The following SLC6A12 variants were observed in gnomAD, a reference collection of about 807,000 sequenced individuals.
The protein encoded by SLC6A12 is solute carrier family 6 member 12, also known as sodium- and chloride-dependent betaine transporter.
SLC6A12 carries 50 observed loss-of-function variants against 73.3 expected under a neutral mutation model. The observed-to-expected ratio is 0.68, with a 90% CI of 0.54 to 0.86. The LOEUF is 0.86. SLC6A12 is among the 40% of genes least tolerant of loss of function. SLC6A12 has a pLI of 0.00. For synonymous variants in SLC6A12, 304 were observed against 309.2 expected, an observed-to-expected ratio of 0.98 and a Z score of 0.18; for missense variants, 648 against 772.8, an observed-to-expected ratio of 0.84 and a Z score of 1.92.
At chr12:208,141 C>CA (rs1191252014) in intron 3 of SLC6A12, among the ~76,000 whole-genome samples, 1 of 152,214 alleles carries the variant, frequency 6.6e-6, no homozygotes, top group Non-Finnish European at 1.5e-5. Flanking sequence ...AATCCTCCTC[C>CA]ACTAAAGGAG....
intron 12 of SLC6A12, among the ~76,000 whole-genome samples, chr12:195,747 C>T (rs1939829274): frequency 6.6e-6 from 1 of 152,130 alleles, no homozygotes; most frequent in African/African-American, 2.4e-5. Context: ...AGCCTGAAGC[C>T]CAGCATCCAT....
At chr12:188,376 G>A (rs1244626625), downstream of SLC6A12, among the ~76,000 whole-genome samples, 2 of 151,982 alleles carry the variant, frequency 1.3e-5, no homozygotes, top group African/African-American at 2.4e-5. Context: ...CGATTGTGGG[G>A]CCCGCCGAGC....
chr12:204,453 A>T (rs894745464), intron 4 of SLC6A12, 111 bp downstream of exon 4: 21 of 1,069,608 alleles, frequency 2.0e-5, no homozygotes, highest in Non-Finnish European at 3.0e-5. Context: ...GGCGCAGGAT[A>T]TGGGAGTGAG....
At position 190,872 on chromosome 12, in the gene SLC6A12, T is replaced by G; in HGVS notation, c.*196A>C. 1 of 399,146 alleles carries G rather than the reference T, an allele frequency of 2.5e-6. No individual in the cohort carries two copies. The highest frequency in any genetic ancestry group is 4.3e-6 in the Non-Finnish European group (1 of 230,738). The allele number at this position is 399,146 out of a possible 1,614,324, so 24.7% of individuals were successfully genotyped here. ...AACATGGCACGTCCCAGTGGTGGTGTTATCAGCAAAGGGGAAGGAGCTGCT... is the reference window on the plus strand; with the variant it reads ...AACATGGCACGTCCCAGTGGTGGTGGTATCAGCAAAGGGGAAGGAGCTGCT... On this transcript the variant is annotated 3_prime_UTR_variant, in exon 16 of 16. Coordinates refer to ENST00000684302, the MANE Select transcript of SLC6A12 (RefSeq NM_001122848.3).
chr12:205,256 AG>A (rs1940570279), intron 3 of SLC6A12, among the ~76,000 whole-genome samples: 1 of 152,212 alleles, frequency 6.6e-6, no homozygotes, highest in African/African-American at 2.4e-5. Flanking sequence ...GACATCCAGC[AG>A]GTTACACAGG....
In SLC6A12 at chr12:198,962, C is replaced by T. The variant is rs755002798; in HGVS notation, c.712-31G>A. ...GGTGGGGGGACAGGCCAAGGTCACT[C>T]CTGGTGGGGACGCAGTGGCCCTCCA... On this transcript the variant is annotated intron_variant, in intron 7 of 15. Coordinates refer to ENST00000684302, the MANE Select transcript of SLC6A12 (RefSeq NM_001122848.3). The surrounding 1 kb of genome is among the most constrained non-coding windows in gnomAD (Gnocchi z 4.0). 1.2e-6 allele frequency: 2 copies of T among 1,612,756 alleles called. No individual in the cohort carries two copies. Among genetic ancestry groups the T allele is most frequent in the Non-Finnish European group, 1.7e-6 (2 of 1,179,216 alleles).
chr12:195,368 G>C (rs1435858412), intron 12 of SLC6A12, 41 bp from the exon 13 acceptor site: 12 of 1,292,048 alleles, frequency 9.3e-6, no homozygotes, highest in Non-Finnish European at 1.4e-5. Context: ...CCAGTGCAGA[G>C]CTGGGACACA....
At chr12:201,889 C>T (rs1940286912) in intron 5 of SLC6A12, 40 bp from the exon 6 acceptor site, 2 of 1,542,650 alleles carry the variant, frequency 1.3e-6, no homozygotes, top group African/African-American at 1.4e-5. Context: ...GAGAGAGATG[C>T]TCTTATACCC....
downstream of SLC6A12, among the ~76,000 whole-genome samples, chr12:189,793 G>C (rs773612898): frequency 6.6e-6 from 1 of 152,004 alleles, no homozygotes; most frequent in East Asian, 1.9e-4. Context: ...GGTGGGAAAC[G>C]GGTGGAGCCA....
intron 3 of SLC6A12, among the ~76,000 whole-genome samples, chr12:208,334 G>C (rs1461856091): frequency 6.6e-6 from 1 of 152,162 alleles, no homozygotes; most frequent in Non-Finnish European, 1.5e-5. Flanking sequence ...CTATTTCTTA[G>C]GAGTTGTCAG....
intron 5 of SLC6A12, among the ~76,000 whole-genome samples, chr12:202,144 C>T (rs935405852): frequency 2.0e-5 from 3 of 152,172 alleles, no homozygotes; most frequent in African/African-American, 7.2e-5. Context: ...GCACTCTCCC[C>T]GCTTGCCCGT....
In SLC6A12 at chr12:200,723, C is replaced by A. The variant is rs201531420; in HGVS notation, c.639G>T (p.Leu213=). ...IHDLGSLRWE[L]ALCLLLAWVI... ...CCCAGGCGAGCAGGAGGCACAGGGC[C>A]AGCTCCCAGCGCAGGGAGCCCAGGT... Residue 213 remains leucine (L), a synonymous_variant, in exon 7 of 16, where the codon CTG becomes CTT. Coordinates refer to ENST00000684302, the MANE Select transcript of SLC6A12 (RefSeq NM_001122848.3). 1.6e-4 allele frequency: 265 copies of A among 1,613,976 alleles called. No individual in the cohort carries two copies. Among genetic ancestry groups the A allele is most frequent in the Non-Finnish European group, 2.2e-4 (257 of 1,179,958 alleles).
In SLC6A12 at chr12:190,908, C is replaced by G. The variant is rs549703107; in HGVS notation, c.*160G>C. The G allele has an allele frequency of 1.1e-4, 54 of 488,718 alleles. 1 individual carries two copies. In the Admixed American group the frequency reaches 2.3e-3, roughly 21 times the overall value. The allele number at this position is 488,718 out of a possible 1,614,324, so 30.3% of individuals were successfully genotyped here. ...GGGGAAGGAGCTGCTCCAGCTAGCA[C>G]AAGAGAGGAGTCTGGCCTCCAGCTG... On this transcript the variant is annotated 3_prime_UTR_variant, in exon 16 of 16. Coordinates refer to ENST00000684302, the MANE Select transcript of SLC6A12 (RefSeq NM_001122848.3).
At position 193,809 on chromosome 12, in the gene SLC6A12, G is replaced by A. The variant is rs539605497; in HGVS notation, c.1430-432C>T. Among the ~76,000 whole-genome samples, 4 of 152,308 alleles carry A rather than the reference G, an allele frequency of 2.6e-5. No individual in the cohort carries two copies. In the East Asian group the frequency reaches 7.7e-4, roughly 29 times the overall value. ...AGACACATCATAGAAAACTCATAGA[G>A]GGCTAGAGGGCTACTGGGAACAGAA... On this transcript the variant is annotated intron_variant, in intron 13 of 15. Coordinates refer to ENST00000684302, the MANE Select transcript of SLC6A12 (RefSeq NM_001122848.3).
At chr12:210,555 G>A (rs769306209) in intron 2 of SLC6A12, 5 of 193,324 alleles carry the variant, frequency 2.6e-5, no homozygotes, top group Non-Finnish European at 4.7e-5. Context: ...AGGGGAGCCA[G>A]CAGCTCTGGG....
At chr12:184,852 G>A in the SLC6A12 span, among the ~76,000 whole-genome samples, 711 of 151,966 alleles carry the variant, frequency 4.7e-3, 3 homozygotes, top group Non-Finnish European at 6.8e-3. Context: ...AGAATCACTT[G>A]AACCCAGGAG....
intron 3 of SLC6A12, among the ~76,000 whole-genome samples, chr12:207,507 T>C (rs1436549676): frequency 6.6e-6 from 1 of 152,222 alleles, no homozygotes; most frequent in Non-Finnish European, 1.5e-5. Context: ...TTGTTTCTTT[T>C]GAAAGATTTT....
In SLC6A12 at chr12:201,814, C is replaced by T. The variant is rs1246422770; in HGVS notation, c.526G>A (p.Gly176Ser). 5.0e-6 allele frequency: 8 copies of T among 1,613,982 alleles called. No individual in the cohort carries two copies. The highest frequency in any genetic ancestry group is 4.5e-5 in the East Asian group (2 of 44,888). ...CTDFLNHSGA[G>S]TVTPFENFTS... ...AAATTCTCAAATGGGGTCACTGTGC[C>T]GGCTCCTGAGTGGTTCAGAAAGTCC... The change falls in exon 6 of 16, where the codon GGC becomes AGC. Residue 176 changes from glycine to serine, a missense_variant. By Grantham distance (56) the Gly-to-Ser change is moderately conservative (BLOSUM62 0). Transcript: ENST00000684302.
chr12:197,480 G>A lies in SLC6A12; in HGVS notation c.972C>T (p.Phe324=). 4.3e-6 allele frequency: 7 copies of A among 1,613,852 alleles called. No homozygotes were observed. Among genetic ancestry groups the A allele is most frequent in the Non-Finnish European group, 5.9e-6 (7 of 1,179,886 alleles). Residue 324 remains phenylalanine, a synonymous_variant, in exon 10 of 16, where the codon TTC becomes TTT. Transcript: ENST00000684302. ...NCYKDCIALC[F]LNSATSFVAG... is the part of the protein sequence containing the mutation. ...CCACAAAGCTGGTGGCACTGTTCAG[G>A]AAGCAGAGGGCGATGCAGTCCCTGT... is the stretch of plus-strand genomic sequence containing the variant.
Sources: allele counts gnomAD v4.1 joint callset (sites outside exome capture counted in the v4.1 genomes callset), GRCh38; gene constraint gnomAD v4.1.1; non-coding constraint Gnocchi (gnomAD v3.1); transcripts MANE v1.5; gene names NCBI Gene and HGNC (gene_info 2026-07-23, HGNC 2026-07-21).